Variants in IFT81 observed in about 807,000 individuals in gnomAD.
IFT81 encodes intraflagellar transport 81.
In IFT81, 72 loss-of-function variants were observed where a neutral mutation model predicts 102.6. The observed-to-expected ratio is 0.70, with a 90% confidence interval of 0.58 to 0.85. The LOEUF (loss-of-function observed/expected upper bound fraction) is 0.85. Among genes scored for constraint, IFT81 ranks in the 40% least tolerant of loss-of-function variants. The pLI is 0.00. For missense variants in IFT81, 723 were observed against 787.3 expected, an observed-to-expected ratio of 0.92 and a Z score of 0.98; for synonymous variants, 237 against 242.7, an observed-to-expected ratio of 0.98 and a Z score of 0.22.
At chr12:110,191,477 G>A (rs1897793802) in intron 13 of IFT81, among the ~76,000 whole-genome samples, 1 of 152,022 alleles carries the variant, frequency 6.6e-6, no homozygotes, top group Admixed American at 6.6e-5. Flanking sequence ...GGTCTCATCT[G>A]TCTTTATCAA....
intron 13 of IFT81, 27 bp from the exon 14 acceptor site, chr12:110,192,590 G>C: frequency 1.8e-6 from 2 of 1,136,742 alleles, no homozygotes; most frequent in South Asian, 3.0e-5. Flanking sequence ...TCTTTTTTAG[G>C]TGTTATATTT....
Position 110,173,357 on chromosome 12 carries a change from G to T in IFT81, c.1189-7065G>T, listed in dbSNP as rs556090487. On this transcript the variant is annotated intron_variant, in intron 11 of 18. Coordinates refer to ENST00000242591, the MANE Select transcript of IFT81 (RefSeq NM_014055.4). ...AGGGAGGTGGGGGGGTCAGCCCCCC[G>T]CCCGGCCAGCCGCCTCGTCCGGGAG... Among the ~76,000 whole-genome samples the T allele has an allele frequency of 3.3e-3, 440 of 133,176 alleles. 1 individual carries two copies. Among genetic ancestry groups the T allele is most frequent in the African/African-American group, 0.012 (426 of 35,766 alleles). The allele number at this position is 133,176 out of a possible 152,430, so 87.4% of individuals were successfully genotyped here. A position where few individuals can be genotyped will look rare whatever the true frequency, so the allele number is the denominator to read the frequency against.
At position 110,129,150 on chromosome 12, in the gene IFT81, T is replaced by C; in HGVS notation, c.429+20T>C. Reference sequence around the variant, plus strand: ...AAACAGGTAAACAATACATAAATGGTACATTGAAACTGTAATGGATTTCAA... The same window carrying C: ...AAACAGGTAAACAATACATAAATGGCACATTGAAACTGTAATGGATTTCAA... On this transcript the variant is annotated intron_variant, in intron 4 of 18. Transcript: ENST00000242591. 6.5e-7 allele frequency: 1 copy of C among 1,533,630 alleles called. No homozygotes were observed. Among genetic ancestry groups the C allele is most frequent in the Non-Finnish European group, 8.8e-7 (1 of 1,134,670 alleles).
chr12:110,190,939 A>G lies in IFT81; in HGVS notation c.1358A>G (p.Lys453Arg). The G allele has an allele frequency of 1.9e-6, 3 of 1,561,214 alleles. No homozygotes were observed. The highest frequency in any genetic ancestry group is 2.6e-6 in the Non-Finnish European group (3 of 1,157,834). ...QQQLQTMEEKKGISGYSYTQE... is the reference protein window; with the variant it reads ...QQQLQTMEEKRGISGYSYTQE... ...TTATAGCAAACTATGGAGGAGAAAAAGGGTATATCTGGATATAGTTACACC... is the reference window on the plus strand; with the variant it reads ...TTATAGCAAACTATGGAGGAGAAAAGGGGTATATCTGGATATAGTTACACC... Residue 453 changes from lysine (K) to arginine (R), a missense_variant, in exon 13 of 19, where the codon AAG becomes AGG. By Grantham distance (26) the Lys-to-Arg change is conservative. Coordinates refer to ENST00000242591, the MANE Select transcript of IFT81 (RefSeq NM_014055.4).
Position 110,177,919 on chromosome 12 carries a change from A to G in IFT81, c.1189-2503A>G, listed in dbSNP as rs374948682. 6.7e-4 allele frequency among the ~76,000 whole-genome samples: 101 copies of G among 150,374 alleles called. 6 individuals carry two copies. The South Asian group carries it at 0.02, about 30-fold the overall frequency. On this transcript the variant is annotated intron_variant, in intron 11 of 18. Transcript: ENST00000242591. ...AGACCAGCCTGGCCAACATGGTGAA[A>G]CCCCATCTCTACTAAAAATACAAAA...
intron 14 of IFT81, among the ~76,000 whole-genome samples, chr12:110,197,582 A>ATATATATATATATATATACC (rs1898071161): frequency 7.0e-6 from 1 of 141,956 alleles, no homozygotes; most frequent in African/African-American, 2.6e-5. Context: ...ATATATATAT[A>ATATATATATATATATATACC]TACCTCACTT....
chr12:110,178,277 G>C (rs1401080380), intron 11 of IFT81, among the ~76,000 whole-genome samples: 1 of 151,954 alleles, frequency 6.6e-6, no homozygotes, highest in African/African-American at 2.4e-5. Context: ...AGCCTGGCAT[G>C]GTAGCAGGCA....
chr12:110,151,732 A>G (rs1165670938), intron 10 of IFT81, among the ~76,000 whole-genome samples: 1 of 152,198 alleles, frequency 6.6e-6, no homozygotes, highest in Non-Finnish European at 1.5e-5. Context: ...AACTATAATT[A>G]TGATATTATA....
chr12:110,207,920 GTTA>G (rs1368890246), intron 17 of IFT81, among the ~76,000 whole-genome samples: 3 of 151,880 alleles, frequency 2.0e-5, no homozygotes, highest in African/African-American at 7.3e-5. Context: ...AAAATACAAT[GTTA>G]TTATGTTTTT....
chr12:110,138,904 G>A (rs1025097886), intron 8 of IFT81, among the ~76,000 whole-genome samples: 59 of 152,230 alleles, frequency 3.9e-4, no homozygotes, highest in African/African-American at 1.4e-3. Context: ...GAAAGATAAT[G>A]CTTTTAAAAC....
intron 1 of IFT81, among the ~76,000 whole-genome samples, chr12:110,126,413 G>T (rs1893845945): frequency 6.6e-6 from 1 of 152,146 alleles, no homozygotes. Flanking sequence ...GGTTTCCTGG[G>T]GGAGCTGGCG....
intron 10 of IFT81, among the ~76,000 whole-genome samples, chr12:110,158,170 A>G (rs1895946325): frequency 6.6e-6 from 1 of 152,104 alleles, no homozygotes; most frequent in Admixed American, 6.6e-5. Context: ...TCCTGGGTTC[A>G]TGCAATTCTC....
chr12:110,149,416 A>G (rs1284382699), intron 10 of IFT81, among the ~76,000 whole-genome samples: 4 of 152,186 alleles, frequency 2.6e-5, no homozygotes, highest in African/African-American at 9.7e-5. Flanking sequence ...CCCAGTGGGC[A>G]TGTGTTACAG....
At chr12:110,176,187 C>T (rs532277752) in intron 11 of IFT81, among the ~76,000 whole-genome samples, 15 of 152,242 alleles carry the variant, frequency 9.9e-5, no homozygotes, top group Middle Eastern at 3.4e-3. Flanking sequence ...ATTAACTCCC[C>T]CTACTACCCT....
intron 1 of IFT81, among the ~76,000 whole-genome samples, chr12:110,125,806 A>G (rs1399807588): frequency 6.6e-6 from 1 of 152,212 alleles, no homozygotes; most frequent in Non-Finnish European, 1.5e-5. Context: ...GATCTTTCTC[A>G]CTGCCAGCCT....
At chr12:110,138,230 G>A (rs184097637) in intron 8 of IFT81, among the ~76,000 whole-genome samples, 1 of 152,290 alleles carries the variant, frequency 6.6e-6, no homozygotes, top group Admixed American at 6.5e-5. Flanking sequence ...AAAGTGATCT[G>A]TTCACAGCCT....
At chr12:110,127,227 C>G (rs759265259) in intron 1 of IFT81, 133 bp from the exon 2 acceptor site, 1 of 862,080 alleles carries the variant, frequency 1.2e-6, no homozygotes, top group Non-Finnish European at 1.6e-6. Context: ...ACAAAATAAC[C>G]CTTTTCACAG....
At chr12:110,126,624 A>G (rs1233614076) in intron 1 of IFT81, among the ~76,000 whole-genome samples, 1 of 152,202 alleles carries the variant, frequency 6.6e-6, no homozygotes, top group East Asian at 1.9e-4. Flanking sequence ...TTGGAAAGGG[A>G]TAAGTTGTGC....
chr12:110,183,384 C>G (rs980157252), intron 12 of IFT81, among the ~76,000 whole-genome samples: 1 of 152,160 alleles, frequency 6.6e-6, no homozygotes, highest in Non-Finnish European at 1.5e-5. Flanking sequence ...ATTCCTTACC[C>G]AGAGCTCAGG....
Sources: gnomAD v4.1 joint callset for allele counts (sites outside exome capture counted in the v4.1 genomes callset) on GRCh38, gnomAD v4.1.1 for gene constraint, MANE v1.5 for transcripts, NCBI Gene and HGNC (gene_info 2026-07-23, HGNC 2026-07-21) for gene names.